The following GGA3 variants were observed in gnomAD, a reference collection of about 807,000 sequenced individuals.
GGA3 encodes the protein ADP-ribosylation factor-binding protein GGA3.
GGA3 carries 57 observed loss-of-function variants against 77.5 expected under a neutral mutation model. That is an observed-to-expected ratio of 0.74 (90% CI 0.59 to 0.92). GGA3 has a LOEUF of 0.92. Among genes scored for constraint, GGA3 ranks in the 40% least tolerant of loss-of-function variants. The probability of loss-of-function intolerance (pLI) is 0.00; values close to 1 mark genes in which losing one functional copy is unlikely to be tolerated. For synonymous variants in GGA3, 416 were observed against 383.7 expected (o/e 1.08, Z -0.98); for missense variants, 970 against 914.9 (o/e 1.06, Z -0.78).
At position 75,242,926 on chromosome 17, in the gene GGA3, A is replaced by T. The variant is rs1398849591; in HGVS notation, c.529-15T>A. 5.0e-6 allele frequency: 8 copies of T among 1,607,810 alleles called. No homozygotes were observed. Among genetic ancestry groups the T allele is most frequent in the African/African-American group, 2.7e-5 (2 of 74,774 alleles). On this transcript the variant is annotated splice_polypyrimidine_tract_variant and intron_variant, in intron 6 of 16. Transcript: ENST00000537686. Reference sequence around the variant, plus strand: ...TTGGCTAAAAGCTGAGAGAGGAGGAAATCAGAGGTGAAGGGAAGAGGCAGC... The same window carrying T: ...TTGGCTAAAAGCTGAGAGAGGAGGATATCAGAGGTGAAGGGAAGAGGCAGC...
chr17:75,253,599 C>G (rs201331670), intron 1 of GGA3, among the ~76,000 whole-genome samples: 4 of 38,012 alleles, frequency 1.1e-4, no homozygotes, highest in Non-Finnish European at 2.3e-4. Context: ...CCCCTCAACC[C>G]CTTCTCCTTC....
In GGA3 at chr17:75,243,442, C is replaced by G; in HGVS notation, c.424+5G>C. On this transcript the variant is annotated splice_donor_5th_base_variant and intron_variant, in intron 5 of 16. Transcript: ENST00000537686. Reference sequence around the variant, plus strand: ...CCTGGAGGCTGCGGGCAGGCAGACACGTACCCTGTCTCTTCAGCATGTGGT... The same window carrying G: ...CCTGGAGGCTGCGGGCAGGCAGACAGGTACCCTGTCTCTTCAGCATGTGGT... 1 of 1,614,090 alleles carries G rather than the reference C, an allele frequency of 6.2e-7. No individual in the cohort carries two copies. The highest frequency in any genetic ancestry group is 2.2e-5 in the East Asian group (1 of 44,888).
chr17:75,250,255 T>A (rs1049947666), intron 1 of GGA3, among the ~76,000 whole-genome samples: 1 of 152,212 alleles, frequency 6.6e-6, no homozygotes, highest in East Asian at 1.9e-4. Flanking sequence ...GAACCGCCCC[T>A]CCGGGCTCTG....
At chr17:75,254,006 G>A (rs1388646481) in intron 1 of GGA3, among the ~76,000 whole-genome samples, 1 of 152,124 alleles carries the variant, frequency 6.6e-6, no homozygotes, top group Non-Finnish European at 1.5e-5. Context: ...CATCCTATAA[G>A]ACCTAAATAA....
At chr17:75,255,284 C>A (rs1416423610) in intron 1 of GGA3, among the ~76,000 whole-genome samples, 1 of 152,004 alleles carries the variant, frequency 6.6e-6, no homozygotes, top group East Asian at 1.9e-4. Context: ...AGACAATACT[C>A]TTTTAAGCAC....
rs751824814 is a variant in GGA3 at position 75,243,532 on chromosome 17, C to T, written c.339G>A (p.Lys113=). The T allele has an allele frequency of 9.3e-6, 15 of 1,614,006 alleles. No individual in the cohort carries two copies. Among genetic ancestry groups the T allele is most frequent in the East Asian group, 4.5e-5 (2 of 44,896 alleles). Residue 113 remains lysine (K), a synonymous_variant, in exon 5 of 17, where the codon AAG becomes AAA. Transcript: ENST00000537686. The part of the protein sequence containing the change: ...GDRVSEKVKT[K]VIELLYSWTM... The stretch of plus-strand genomic sequence containing the variant: ...TCCAGCTGTACAGCAGCTCAATAAC[C>T]TTGGTCTTCACTTTCTCAGACACCC...
Position 75,242,346 on chromosome 17 carries a change from T to A in GGA3, c.737A>T (p.Glu246Val), listed in dbSNP as rs776546246. The change falls in exon 8 of 17, where the codon GAG becomes GTG. Residue 246 changes from glutamate to valine, a missense_variant. Coordinates refer to ENST00000537686, the MANE Select transcript of GGA3 (RefSeq NM_138619.4). ...SQEDSSDGDR[E>V]LMKELFDQCE... The stretch of plus-strand genomic sequence containing the variant: ...CGTCGGCGGTCCCACCTTCATCAGC[T>A]CTCTGTCCCCGTCCGAAGAGTCCTC... 35 of 1,613,978 alleles carry A rather than the reference T, an allele frequency of 2.2e-5. No homozygotes were observed. The highest frequency in any genetic ancestry group is 3.0e-5 in the Non-Finnish European group (35 of 1,180,006).
chr17:75,239,768 A>G, intron 13 of GGA3, 21 bp downstream of exon 13: 1 of 1,611,854 alleles, frequency 6.2e-7, no homozygotes, highest in Non-Finnish European at 8.5e-7. Flanking sequence ...CAGCAACCCC[A>G]CATCTCCTCC....
intron 1 of GGA3, chr17:75,249,092 C>G (rs1351049824): frequency 1.3e-6 from 1 of 761,974 alleles, no homozygotes; most frequent in Admixed American, 6.2e-5. Context: ...GTCACCCAGG[C>G]TGGAGTGCAG....
At chr17:75,259,045 T>C (rs1334590544) in intron 1 of GGA3, among the ~76,000 whole-genome samples, 1 of 150,208 alleles carries the variant, frequency 6.7e-6, no homozygotes, top group East Asian at 2.0e-4. Flanking sequence ...GCTCCACCTC[T>C]CGGGTTCACA....
At chr17:75,262,049 C>T, upstream of GGA3, 3 of 1,565,426 alleles carry the variant, frequency 1.9e-6, no homozygotes, top group East Asian at 6.7e-5. Flanking sequence ...AGGCAGGCCG[C>T]GTGGGCCCCT....
chr17:75,239,623 G>A, intron 13 of GGA3, 52 bp from the exon 14 acceptor site: 1 of 1,486,918 alleles, frequency 6.7e-7, no homozygotes, highest in Non-Finnish European at 9.2e-7. Flanking sequence ...CAGAGCTGCA[G>A]GACTCTCACC....
At chr17:75,256,783 G>A (rs1190321015) in intron 1 of GGA3, among the ~76,000 whole-genome samples, 1 of 152,058 alleles carries the variant, frequency 6.6e-6, no homozygotes, top group Non-Finnish European at 1.5e-5. Context: ...ACCCAGGACT[G>A]GCAAATTAGC....
intron 5 of GGA3, 110 bp from the exon 6 acceptor site, chr17:75,243,276 G>A (rs761593209): frequency 1.5e-5 from 17 of 1,104,938 alleles, no homozygotes; most frequent in Non-Finnish European, 2.0e-5. Context: ...GGGTAGCAGG[G>A]TGGAGGGCAG....
At chr17:75,250,997 C>G (rs2076946553) in intron 1 of GGA3, among the ~76,000 whole-genome samples, 1 of 151,850 alleles carries the variant, frequency 6.6e-6, no homozygotes, top group South Asian at 2.1e-4. Context: ...AGGAGAACCA[C>G]TTGAACCCAG....
upstream of GGA3, chr17:75,261,626 G>T: frequency 2.0e-6 from 3 of 1,508,754 alleles, no homozygotes; most frequent in Non-Finnish European, 2.7e-6. Context: ...AAACTCGCGA[G>T]AGTCTGCACG....
chr17:75,258,399 A>G (rs962232568), intron 1 of GGA3, among the ~76,000 whole-genome samples: 1 of 152,184 alleles, frequency 6.6e-6, no homozygotes, highest in Admixed American at 6.5e-5. Context: ...TGGGCGTGGT[A>G]GCTCAAGCCT....
At position 75,241,483 on chromosome 17, in the gene GGA3, C is replaced by T. The variant is rs1253818685; in HGVS notation, c.863G>A (p.Arg288Gln). The T allele has an allele frequency of 3.1e-6, 5 of 1,613,728 alleles. No homozygotes were observed. Among genetic ancestry groups the T allele is most frequent in the South Asian group, 1.1e-5 (1 of 91,076 alleles). Residue 288 changes from arginine (R) to glutamine (Q), a missense_variant, in exon 10 of 17, where the codon CGG becomes CAG. Transcript: ENST00000537686. ...AATTGTTTTGTAAGAGTTGATGACC[C>T]GGGAGAGGTTGTCACTGGCTTGCAG... Reference protein sequence around the residue: ...DILQASDNLSRVINSYKTIIE... With the variant: ...DILQASDNLSQVINSYKTIIE...
intron 1 of GGA3, among the ~76,000 whole-genome samples, chr17:75,255,562 A>G (rs72500661): frequency 6.6e-6 from 1 of 152,218 alleles, no homozygotes; most frequent in Non-Finnish European, 1.5e-5. Flanking sequence ...CAATGCCAAT[A>G]TCCCATCCCA....
Sources: allele counts gnomAD v4.1 joint callset (sites outside exome capture counted in the v4.1 genomes callset), GRCh38; gene constraint gnomAD v4.1.1; transcripts MANE v1.5; gene names NCBI Gene and HGNC (gene_info 2026-07-23, HGNC 2026-07-21).